The following VPS37A variants were observed in gnomAD, a reference collection of about 807,000 sequenced individuals.
VPS37A encodes the protein vacuolar protein sorting-associated protein 37A.
A neutral mutation model predicts 49.8 loss-of-function variants in VPS37A; 30 were observed. The ratio of observed to expected loss-of-function variants is 0.60; its 90% CI spans 0.45 to 0.82. The LOEUF is 0.82. VPS37A is among the 40% of genes least tolerant of loss of function. The pLI is 0.00. For missense variants in VPS37A, 593 were observed against 464.4 expected (o/e 1.28, Z -2.55); for synonymous variants, 195 against 160.6 (o/e 1.21, Z -1.62).
At chr8:17,308,917 C>T in the VPS37A span, among the ~76,000 whole-genome samples, 2 of 152,160 alleles carry the variant, frequency 1.3e-5, no homozygotes, top group Non-Finnish European at 2.9e-5. Flanking sequence ...AACTGTTCCA[C>T]GGGCAGTTCA....
chr8:17,298,846 G>T (rs558394199), downstream of VPS37A: 1 of 152,404 alleles, frequency 6.6e-6, no homozygotes, highest in African/African-American at 2.4e-5. Context: ...ACTTTCAGCA[G>T]TCAGTGGTCA....
At chr8:17,312,567 T>A in the VPS37A span, among the ~76,000 whole-genome samples, 2 of 69,830 alleles carry the variant, frequency 2.9e-5, no homozygotes, top group South Asian at 6.7e-4. Flanking sequence ...AGAGCGAGAC[T>A]CCCTCTCAAA....
chr8:17,310,666 C>CA, the VPS37A span, among the ~76,000 whole-genome samples: 1 of 151,974 alleles, frequency 6.6e-6, no homozygotes, highest in Non-Finnish European at 1.5e-5. Flanking sequence ...CAGACACTTC[C>CA]AAAAAAAGAA....
the VPS37A span, among the ~76,000 whole-genome samples, chr8:17,310,201 A>G: frequency 6.6e-6 from 1 of 151,776 alleles, no homozygotes; most frequent in East Asian, 1.9e-4. Flanking sequence ...AGGTCTCGCC[A>G]TGTTGCCCAG....
the VPS37A span, chr8:17,313,168 A>G: frequency 1.6e-6 from 1 of 612,108 alleles, no homozygotes; most frequent in Non-Finnish European, 2.8e-6. Flanking sequence ...GAGCTCTACA[A>G]AGCTGGCTAT....
the VPS37A span, among the ~76,000 whole-genome samples, chr8:17,319,894 A>G: frequency 2.6e-5 from 4 of 152,168 alleles, no homozygotes; most frequent in African/African-American, 7.2e-5. Context: ...ATCACTTACA[A>G]CAGTGCTGCC....
chr8:17,266,419 A>G lies in VPS37A; in HGVS notation c.200+438A>G, dbSNP rs547823044. On this transcript the variant is annotated intron_variant, in intron 2 of 11. Transcript: ENST00000324849. Reference sequence around the variant, plus strand: ...GTTCAAGATTAGATTTGATTTGCTGATCATTTTTAAGAAAAACAAAAAAGT... The same window carrying G: ...GTTCAAGATTAGATTTGATTTGCTGGTCATTTTTAAGAAAAACAAAAAAGT... Among the ~76,000 whole-genome samples the G allele has an allele frequency of 2.0e-5, 3 of 152,366 alleles. No individual in the cohort carries two copies. The South Asian group carries it at 6.2e-4, about 32-fold the overall frequency.
intron 2 of VPS37A, among the ~76,000 whole-genome samples, chr8:17,267,575 T>C (rs761391663): frequency 1.3e-5 from 2 of 152,196 alleles, no homozygotes; most frequent in African/African-American, 4.8e-5. Flanking sequence ...AAGGGAGCCG[T>C]GTAGAACCAA....
the VPS37A span, among the ~76,000 whole-genome samples, chr8:17,325,897 T>C: frequency 6.6e-6 from 1 of 152,312 alleles, no homozygotes; most frequent in African/African-American, 2.4e-5. Context: ...AACGTATCCA[T>C]TTCATTGAGT....
chr8:17,323,036 C>T, the VPS37A span, among the ~76,000 whole-genome samples: 1 of 147,616 alleles, frequency 6.8e-6, no homozygotes, highest in African/African-American at 2.5e-5. Context: ...TAACCTCCAC[C>T]TCCCGGATTC....
chr8:17,319,233 G>T, the VPS37A span, among the ~76,000 whole-genome samples: 1 of 152,164 alleles, frequency 6.6e-6, no homozygotes, highest in Non-Finnish European at 1.5e-5. Flanking sequence ...ACTGAGCCTC[G>T]CTGTCTTCAA....
At chr8:17,283,868 C>G (rs1419866385) in intron 9 of VPS37A, among the ~76,000 whole-genome samples, 1 of 152,022 alleles carries the variant, frequency 6.6e-6, no homozygotes, top group African/African-American at 2.4e-5. Flanking sequence ...CAAAAAATGC[C>G]CTTGAGATTT....
chr8:17,283,643 G>T (rs183538870), intron 9 of VPS37A, among the ~76,000 whole-genome samples: 2 of 152,096 alleles, frequency 1.3e-5, no homozygotes, highest in Non-Finnish European at 2.9e-5. Flanking sequence ...CTCCCTGGTT[G>T]AAAATCATTT....
chr8:17,255,092 C>T (rs1172058072), intron 1 of VPS37A, among the ~76,000 whole-genome samples: 1 of 152,184 alleles, frequency 6.6e-6, no homozygotes, highest in Admixed American at 6.5e-5. Context: ...TCTGTATTTC[C>T]ATTTCCTTGC....
intron 1 of VPS37A, among the ~76,000 whole-genome samples, chr8:17,256,635 TTTA>T (rs1812493208): frequency 1.1e-5 from 1 of 87,708 alleles, no homozygotes; most frequent in African/African-American, 5.5e-5. Context: ...GTAGGTTTTA[TTTA>T]TTTATTTATT....
At chr8:17,326,757 G>A in the VPS37A span, among the ~76,000 whole-genome samples, 7 of 152,174 alleles carry the variant, frequency 4.6e-5, no homozygotes, top group Non-Finnish European at 7.3e-5. Flanking sequence ...CAAACTTCCT[G>A]ATGAGAACGC....
intron 6 of VPS37A, among the ~76,000 whole-genome samples, chr8:17,278,234 T>G (rs937007649): frequency 5.9e-5 from 9 of 152,080 alleles, no homozygotes; most frequent in African/African-American, 1.9e-4. Context: ...GTTGCCCTTT[T>G]TTTAGTGACA....
intron 11 of VPS37A, among the ~76,000 whole-genome samples, chr8:17,290,729 T>A (rs1421252202): frequency 6.6e-6 from 1 of 152,156 alleles, no homozygotes; most frequent in Non-Finnish European, 1.5e-5. Flanking sequence ...TTTTCTGTTG[T>A]TTGGAATAGT....
chr8:17,280,548 A>G (rs1407661039), intron 9 of VPS37A, 105 bp downstream of exon 9: 6 of 1,024,002 alleles, frequency 5.9e-6, no homozygotes, highest in African/African-American at 1.6e-5. Flanking sequence ...TTTATGAGGT[A>G]TCTGACCTTA....
Sources: gnomAD v4.1 joint callset for allele counts (sites outside exome capture counted in the v4.1 genomes callset) on GRCh38, gnomAD v4.1.1 for gene constraint, MANE v1.5 for transcripts, NCBI Gene and HGNC (gene_info 2026-07-23, HGNC 2026-07-21) for gene names.